The following ASB3 variants were observed in gnomAD, a reference collection of about 807,000 sequenced individuals.
The protein encoded by ASB3 is ankyrin repeat and SOCS box containing 3.
Under a neutral mutation model 54.5 loss-of-function variants are expected in ASB3, and 41 were observed. That is an observed-to-expected ratio of 0.75 (90% CI 0.59 to 0.98). ASB3 has a LOEUF of 0.98. Among genes scored for constraint, ASB3 ranks in the 50% least tolerant of loss-of-function variants. ASB3 has a pLI of 0.00. For missense variants in ASB3, 733 were observed against 620.0 expected (o/e 1.18, Z -1.94); for synonymous variants, 266 against 221.2 (o/e 1.20, Z -1.80).
At chr2:53,740,953 C>G (rs895447161) in intron 3 of ASB3, among the ~76,000 whole-genome samples, 2 of 152,198 alleles carry the variant, frequency 1.3e-5, no homozygotes, top group African/African-American at 4.8e-5. Flanking sequence ...TAACACATCC[C>G]TAAACTTACA....
chr2:53,770,303 C>A (rs1466734400), intron 1 of ASB3, among the ~76,000 whole-genome samples: 1 of 152,034 alleles, frequency 6.6e-6, no homozygotes, highest in Non-Finnish European at 1.5e-5. Flanking sequence ...TACAAATTAT[C>A]TATACGAACA....
chr2:53,763,676 A>G (rs1378980233), intron 2 of ASB3: 1 of 169,274 alleles, frequency 5.9e-6, no homozygotes, highest in Non-Finnish European at 1.5e-5. Flanking sequence ...TACTCAGCAG[A>G]TGAAAAAAAT....
At chr2:53,687,976 T>G (rs1668719434) in intron 9 of ASB3, among the ~76,000 whole-genome samples, 1 of 152,110 alleles carries the variant, frequency 6.6e-6, no homozygotes, top group African/African-American at 2.4e-5. Flanking sequence ...CACCACCATG[T>G]CTGGCTAATT....
chr2:53,681,933 G>GA (rs1668392259), intron 9 of ASB3, among the ~76,000 whole-genome samples: 1 of 152,094 alleles, frequency 6.6e-6, no homozygotes, highest in Non-Finnish European at 1.5e-5. Flanking sequence ...GGTGAGGTGG[G>GA]TGGATCACAA....
chr2:53,764,673 T>C (rs1156648994), intron 2 of ASB3, among the ~76,000 whole-genome samples: 1 of 152,226 alleles, frequency 6.6e-6, no homozygotes, highest in African/African-American at 2.4e-5. Flanking sequence ...GCCCAGTTTA[T>C]AGCACTGGTT....
intron 3 of ASB3, among the ~76,000 whole-genome samples, chr2:53,743,588 G>T (rs1421551612): frequency 3.9e-5 from 6 of 152,108 alleles, no homozygotes. Flanking sequence ...AGTTATGTAA[G>T]AACAATATAA....
At chr2:53,705,983 G>C (rs1669747825) in intron 7 of ASB3, among the ~76,000 whole-genome samples, 1 of 152,114 alleles carries the variant, frequency 6.6e-6, no homozygotes, top group Admixed American at 6.5e-5. Flanking sequence ...TTGACATTGA[G>C]ACCAAAGACT....
In ASB3 at chr2:53,738,275, A is replaced by G. The variant is rs553805454; in HGVS notation, c.356-8705T>C. 1.6e-4 allele frequency among the ~76,000 whole-genome samples: 24 copies of G among 152,324 alleles called. No homozygotes were observed. The South Asian group carries it at 5.0e-3, about 32-fold the overall frequency. Reference sequence around the variant, plus strand: ...TCGCCTTTTTATGTGAGACCCATCTAGGACCACATGTTAGGGCAAAGGAGA... The same window carrying G: ...TCGCCTTTTTATGTGAGACCCATCTGGGACCACATGTTAGGGCAAAGGAGA... On this transcript the variant is annotated intron_variant, in intron 3 of 9. Transcript: ENST00000263634.
At chr2:53,727,178 T>C (rs1277621369) in intron 5 of ASB3, among the ~76,000 whole-genome samples, 7 of 152,206 alleles carry the variant, frequency 4.6e-5, no homozygotes, top group Non-Finnish European at 7.3e-5. Context: ...ACGATTATGT[T>C]TGAACAGATA....
intron 8 of ASB3, among the ~76,000 whole-genome samples, chr2:53,696,417 A>AG: frequency 6.6e-6 from 1 of 152,264 alleles, no homozygotes. Flanking sequence ...GAATTGGGAA[A>AG]GGGGGGATAA....
At chr2:53,749,230 G>T (rs1026063557) in intron 3 of ASB3, among the ~76,000 whole-genome samples, 6 of 152,086 alleles carry the variant, frequency 3.9e-5, no homozygotes, top group African/African-American at 1.4e-4. Context: ...TTAGGAAAAT[G>T]CAAATAAAAA....
chr2:53,755,900 C>G (rs1007104467), intron 2 of ASB3, among the ~76,000 whole-genome samples: 1 of 152,072 alleles, frequency 6.6e-6, no homozygotes, highest in African/African-American at 2.4e-5. Context: ...GCCTGTAATC[C>G]CAGCACTTTG....
chr2:53,784,855 T>G (rs551256539), intron 1 of ASB3, among the ~76,000 whole-genome samples: 2 of 152,352 alleles, frequency 1.3e-5, no homozygotes, highest in African/African-American at 2.4e-5. Context: ...CATGTCTTTT[T>G]GGGGAACACA....
chr2:53,718,365 G>A (rs1439886091), intron 5 of ASB3, among the ~76,000 whole-genome samples: 1 of 152,272 alleles, frequency 6.6e-6, no homozygotes, highest in Middle Eastern at 3.4e-3. Flanking sequence ...TCTATTTTCA[G>A]CATTCTTAAA....
Position 53,729,571 on chromosome 2 carries a change from C to A in ASB3, c.356-1G>T. 1.2e-6 allele frequency: 2 copies of A among 1,613,342 alleles called. No homozygotes were observed. The highest frequency in any genetic ancestry group is 1.7e-6 in the Non-Finnish European group (2 of 1,179,460). On this transcript the variant is annotated splice_acceptor_variant, in intron 3 of 9. Transcript: ENST00000263634. LOFTEE classifies it high-confidence loss of function. ...ACATCTATCTGTCCATTTTCAACAG[C>A]TGTAATACAGCAGTTAGAAAAATTA...
chr2:53,722,311 C>G (rs1052492138), intron 5 of ASB3, among the ~76,000 whole-genome samples: 1 of 152,092 alleles, frequency 6.6e-6, no homozygotes, highest in Non-Finnish European at 1.5e-5. Flanking sequence ...AGAGACTCCT[C>G]CCTAACTTGT....
chr2:53,779,834 T>G (rs552296974), intron 1 of ASB3, among the ~76,000 whole-genome samples: 1 of 152,378 alleles, frequency 6.6e-6, no homozygotes, highest in Non-Finnish European at 1.5e-5. Context: ...CTTCTAATTT[T>G]GGGTGCTGCC....
chr2:53,697,204 T>G (rs143645722), intron 8 of ASB3, among the ~76,000 whole-genome samples: 20 of 152,328 alleles, frequency 1.3e-4, no homozygotes, highest in African/African-American at 4.8e-4. Flanking sequence ...CATGACAGTT[T>G]ACCAATGCCA....
At chr2:53,748,335 T>C (rs899604345) in intron 3 of ASB3, 6 of 152,202 alleles carry the variant, frequency 3.9e-5, no homozygotes, top group Non-Finnish European at 7.3e-5. Context: ...AGAATGGAGA[T>C]TGCGTATAGC....
Sources: gnomAD v4.1 joint callset for allele counts (sites outside exome capture counted in the v4.1 genomes callset) on GRCh38, gnomAD v4.1.1 for gene constraint, MANE v1.5 for transcripts, NCBI Gene and HGNC (gene_info 2026-07-23, HGNC 2026-07-21) for gene names.